Variants in ARHGEF4 observed in about 807,000 individuals in gnomAD.
ARHGEF4 encodes Rho guanine nucleotide exchange factor 4.
Under a neutral mutation model 162.0 loss-of-function variants are expected in ARHGEF4, and 119 were observed. The ratio of observed to expected loss-of-function variants is 0.73; its 90% confidence interval spans 0.63 to 0.86. The LOEUF (loss-of-function observed/expected upper bound fraction) is 0.86. ARHGEF4 is among the 40% of genes least tolerant of loss of function. The pLI is 0.00. For synonymous variants in ARHGEF4, 1,014 were observed against 979.9 expected (o/e 1.03, Z -0.65); for missense variants, 2,488 against 2,456.0 (o/e 1.01, Z -0.28).
intron 4 of ARHGEF4, among the ~76,000 whole-genome samples, chr2:130,992,106 C>T (rs1368804399): frequency 1.3e-5 from 2 of 152,156 alleles, no homozygotes; most frequent in Non-Finnish European, 2.9e-5. Context: ...TGTGTCCATA[C>T]TCTGCATCTA....
At chr2:130,988,897 T>TAGAGAG (rs1194203957) in intron 4 of ARHGEF4, among the ~76,000 whole-genome samples, 397 of 111,332 alleles carry the variant, frequency 3.6e-3, no homozygotes, top group African/African-American at 4.6e-3. Context: ...TATATATATA[T>TAGAGAG]ATATAGAGAG....
In ARHGEF4 at chr2:131,040,174, C is replaced by A. The variant is rs1309120873; in HGVS notation, c.4464C>A (p.His1488Gln). The A allele has an allele frequency of 1.2e-6, 2 of 1,610,996 alleles. No homozygotes were observed. Among genetic ancestry groups the A allele is most frequent in the African/African-American group, 2.7e-5 (2 of 74,874 alleles). Reference protein sequence around the residue: ...ILSTERDYIKHLRDICEGYVR... With the variant: ...ILSTERDYIKQLRDICEGYVR... Reference sequence around the variant, plus strand: ...GCACTGAGCGGGACTACATCAAGCACCTGCGCGACATCTGCGAGGTGAGGC... The same window carrying A: ...GCACTGAGCGGGACTACATCAAGCAACTGCGCGACATCTGCGAGGTGAGGC... The change falls in exon 7 of 14, where the codon CAC becomes CAA. Residue 1488 changes from histidine to glutamine, a missense_variant. By Grantham distance (24) the His-to-Gln change is conservative (BLOSUM62 0). Transcript: ENST00000409359.
At chr2:131,023,394 C>T (rs1689272051) in intron 4 of ARHGEF4, among the ~76,000 whole-genome samples, 1 of 152,014 alleles carries the variant, frequency 6.6e-6, no homozygotes, top group Non-Finnish European at 1.5e-5. Flanking sequence ...GATCATGCCC[C>T]TGCACTCCAG....
intron 1 of ARHGEF4, among the ~76,000 whole-genome samples, chr2:130,845,539 T>G (rs1286534565): frequency 1.3e-5 from 2 of 151,376 alleles, no homozygotes; most frequent in South Asian, 4.2e-4. Context: ...CCTTGTGATC[T>G]GCCCACCTCG....
intron 4 of ARHGEF4, among the ~76,000 whole-genome samples, chr2:131,021,668 T>C (rs796554184): frequency 3.3e-5 from 5 of 152,320 alleles, no homozygotes; most frequent in African/African-American, 1.2e-4. Flanking sequence ...TATTTCTTTT[T>C]CTTGACTGGT....
chr2:130,907,395 T>C (rs1307281052), intron 1 of ARHGEF4, among the ~76,000 whole-genome samples: 1 of 151,426 alleles, frequency 6.6e-6, no homozygotes, highest in African/African-American at 2.4e-5. Context: ...TTTTTTGTAT[T>C]TTTTAGTAGA....
intron 1 of ARHGEF4, among the ~76,000 whole-genome samples, chr2:130,841,307 G>A (rs1188465742): frequency 4.6e-5 from 7 of 150,958 alleles, no homozygotes; most frequent in Admixed American, 2.6e-4. Flanking sequence ...CTCGTGATTC[G>A]TCCGCCTTAG....
At chr2:130,974,326 T>G (rs568075809) in intron 4 of ARHGEF4, among the ~76,000 whole-genome samples, 1 of 152,076 alleles carries the variant, frequency 6.6e-6, no homozygotes, top group South Asian at 2.1e-4. Context: ...CTTGGCTAAC[T>G]ATTTGACCAA....
intron 10 of ARHGEF4, among the ~76,000 whole-genome samples, chr2:131,043,029 C>T (rs1024651683): frequency 2.0e-5 from 3 of 152,038 alleles, no homozygotes; most frequent in Admixed American, 6.6e-5. Flanking sequence ...ATGCAGTAGC[C>T]ATCTTTAAAA....
chr2:131,037,390 A>G (rs151138633), intron 5 of ARHGEF4, among the ~76,000 whole-genome samples: 107 of 152,302 alleles, frequency 7.0e-4, no homozygotes, highest in Admixed American at 1.3e-3. Flanking sequence ...CTTAGCTGGA[A>G]CACAGGACTG....
At chr2:130,852,576 C>A (rs1681485332) in intron 1 of ARHGEF4, among the ~76,000 whole-genome samples, 1 of 151,518 alleles carries the variant, frequency 6.6e-6, no homozygotes, top group Admixed American at 6.6e-5. Context: ...GCAAGACTGA[C>A]TGTGGGGTGG....
In ARHGEF4 at chr2:130,917,203, C is replaced by T; in HGVS notation, c.3257C>T (p.Pro1086Leu). The change falls in exon 2 of 14, where the codon CCC (proline) becomes CTC (leucine). Residue 1086 changes from proline (P) to leucine (L), a missense_variant. By Grantham distance (98) the Pro-to-Leu change is moderately conservative. Transcript: ENST00000409359. Reference sequence around the variant, plus strand: ...CTGGCATATGAAAACCCCGGGACGCCCTGCAGACCCACGAGCCCCAAGCCC... The same window carrying T: ...CTGGCATATGAAAACCCCGGGACGCTCTGCAGACCCACGAGCCCCAAGCCC... ...CCLAYENPGT[P>L]CRPTSPKPLS... 6.4e-7 allele frequency: 1 copy of T among 1,550,478 alleles called. No homozygotes were observed. Among genetic ancestry groups the T allele is most frequent in the East Asian group, 2.4e-5 (1 of 40,890 alleles).
intron 4 of ARHGEF4, among the ~76,000 whole-genome samples, chr2:131,011,039 G>A (rs551869768): frequency 1.1e-4 from 16 of 152,330 alleles, no homozygotes; most frequent in South Asian, 4.1e-4. Flanking sequence ...AGGACTTAGG[G>A]TTGTGTCTGA....
rs1475077481 is a variant in ARHGEF4, at chr2:130,918,703, A to T, written c.3552+1205A>T. 2.0e-5 allele frequency among the ~76,000 whole-genome samples: 3 copies of T among 152,256 alleles called. 1 individual carries two copies. Among genetic ancestry groups the T allele is most frequent in the African/African-American group, 7.2e-5 (3 of 41,474 alleles). ...GCTGGGCGAGAAGGGGTTTCCCAGC[A>T]GAGCATCCCACAAGGCCGAGTGGAC... is the stretch of plus-strand genomic sequence containing the variant. On this transcript the variant is annotated intron_variant, in intron 2 of 13. Coordinates refer to ENST00000409359, the MANE Select transcript of ARHGEF4 (RefSeq NM_001367493.1).
chr2:131,037,584 C>G (rs768197202), intron 5 of ARHGEF4, among the ~76,000 whole-genome samples: 1 of 151,936 alleles, frequency 6.6e-6, no homozygotes, highest in African/African-American at 2.4e-5. Flanking sequence ...CAGGGAGGGT[C>G]GTGGACCTCA....
At chr2:131,020,537 A>T (rs542659855) in intron 4 of ARHGEF4, among the ~76,000 whole-genome samples, 3 of 151,976 alleles carry the variant, frequency 2.0e-5, no homozygotes, top group African/African-American at 7.3e-5. Flanking sequence ...TTTTTTATGG[A>T]TGCATAGTAT....
chr2:131,046,403 C>G lies in ARHGEF4; in HGVS notation c.*214C>G, dbSNP rs1425693548. 7.0e-6 allele frequency: 4 copies of G among 570,714 alleles called. No individual in the cohort carries two copies. The African/African-American group carries it at 7.5e-5, about 11-fold the overall frequency. The allele number at this position is 570,714 out of a possible 1,614,324, so 35.4% of individuals were successfully genotyped here. On this transcript the variant is annotated 3_prime_UTR_variant, in exon 14 of 14. Coordinates refer to ENST00000409359, the MANE Select transcript of ARHGEF4 (RefSeq NM_001367493.1). ...TGAAGAGACCAGCAAGGGGGCAGAC[C>G]CCGCACTCGCCACACCGCCGCTGCA...
intron 2 of ARHGEF4, among the ~76,000 whole-genome samples, chr2:130,917,846 G>T (rs1681614082): frequency 7.3e-6 from 1 of 136,390 alleles, no homozygotes. Flanking sequence ...TTTTTGAGAC[G>T]GAGTCTCGCT....
In ARHGEF4 at chr2:130,946,619, G is replaced by A; in HGVS notation, c.3969G>A (p.Glu1323=). Residue 1323 remains glutamate, a synonymous_variant, in exon 4 of 14, where the codon GAG becomes GAA. Transcript: ENST00000409359. ...GACTGAACCACATGGGCTGGCCAGA[G>A]CACACACCAGGCACTGGTGAGTTAC... ...PTGLNHMGWP[E]HTPGTAMPDG... The A allele has an allele frequency of 6.2e-7, 1 of 1,614,006 alleles. No individual in the cohort carries two copies. Among genetic ancestry groups the A allele is most frequent in the South Asian group, 1.1e-5 (1 of 91,074 alleles).
Sources: gnomAD v4.1 joint callset for allele counts (sites outside exome capture counted in the v4.1 genomes callset) on GRCh38, gnomAD v4.1.1 for gene constraint, MANE v1.5 for transcripts, NCBI Gene and HGNC (gene_info 2026-07-23, HGNC 2026-07-21) for gene names.